Variants in RFTN1 observed in about 807,000 individuals in gnomAD.
The protein encoded by RFTN1 is raftlin.
RFTN1 carries 26 observed loss-of-function variants against 46.5 expected under a neutral mutation model. The ratio of observed to expected loss-of-function variants is 0.56; its 90% CI spans 0.41 to 0.78. The LOEUF (loss-of-function observed/expected upper bound fraction) is 0.78. Among genes scored for constraint, RFTN1 ranks in the 30% least tolerant of loss-of-function variants. RFTN1 has a pLI of 0.00. For synonymous variants in RFTN1, 261 were observed against 284.2 expected, an observed-to-expected ratio of 0.92 and a Z score of 0.82; for missense variants, 693 against 718.7, an observed-to-expected ratio of 0.96 and a Z score of 0.41.
intron 2 of RFTN1, among the ~76,000 whole-genome samples, chr3:16,461,529 A>G (rs1361406650): frequency 6.6e-6 from 1 of 152,202 alleles, no homozygotes; most frequent in Non-Finnish European, 1.5e-5. Flanking sequence ...CTATCACACT[A>G]TAACCCAAAG....
Position 16,396,561 on chromosome 3 carries a change from A to G in RFTN1, c.441+12814T>C, listed in dbSNP as rs549215737. On this transcript the variant is annotated intron_variant, in intron 4 of 9. Transcript: ENST00000334133. ...GCCGAGCACGTCTTTCTAGAGTGAA[A>G]AAAGAGAGGAGGGAGTTTTTAATTG... Among the ~76,000 whole-genome samples, 12 of 152,334 alleles carry G rather than the reference A, an allele frequency of 7.9e-5. No individual in the cohort carries two copies. In the South Asian group the frequency reaches 2.5e-3, roughly 32 times the overall value.
rs1390134933 is a variant in RFTN1 at position 16,479,765 on chromosome 3, T to G, written c.145+13960A>C. On this transcript the variant is annotated intron_variant, in intron 2 of 9. Transcript: ENST00000334133. The surrounding 1 kb of genome is among the most constrained non-coding windows in gnomAD (Gnocchi z 5.1). ...GAGGTACCTTTTCCAAGCTGCAGTT[T>G]GGTTGGTGGGTCCAAAGATTAGATT... 6.6e-6 allele frequency among the ~76,000 whole-genome samples: 1 copy of G among 152,182 alleles called. No homozygotes were observed. The highest frequency in any genetic ancestry group is 2.4e-5 in the African/African-American group (1 of 41,440).
Position 16,317,055 on chromosome 3 carries a change from C to G in RFTN1, c.1510G>C (p.Val504Leu). The change falls in exon 10 of 10, where the codon GTC becomes CTC. Residue 504 changes from valine to leucine, a missense_variant. Transcript: ENST00000334133. The surrounding 1 kb of genome is among the most constrained non-coding windows in gnomAD (Gnocchi z 4.3). ...CVSGQQQEGG[V>L]SEEMKGPVQE... is the part of the protein sequence containing the mutation. ...ACAGGGCCCTTCATCTCCTCGGAGA[C>G]TCCACCCTCCTGCTGCTGTCCTGAA... 1 of 1,613,906 alleles carries G rather than the reference C, an allele frequency of 6.2e-7. No individual in the cohort carries two copies. The highest frequency in any genetic ancestry group is 1.1e-5 in the South Asian group (1 of 91,070).
intron 9 of RFTN1, 33 bp downstream of exon 9, chr3:16,323,343 G>T: frequency 6.6e-7 from 1 of 1,506,772 alleles, no homozygotes. Context: ...GCCCTGCTGA[G>T]GAAAACCTAG....
chr3:16,448,799 G>A lies in RFTN1; in HGVS notation c.146-14762C>T, dbSNP rs893433843. 3.3e-5 allele frequency among the ~76,000 whole-genome samples: 5 copies of A among 152,098 alleles called. No individual in the cohort carries two copies. The highest frequency in any genetic ancestry group is 2.1e-4 in the South Asian group (1 of 4,820). ...CTGAGTCACAAGTCTCACCCCATGC[G>A]GGGATTACAGGCTGCGACTCACTGC... On this transcript the variant is annotated intron_variant, in intron 2 of 9. Transcript: ENST00000334133. This position sits in a 1 kb window ranked among gnomAD's most constrained non-coding sequence, Gnocchi z 4.1.
chr3:16,350,472 G>A (rs2072022227), intron 7 of RFTN1, among the ~76,000 whole-genome samples: 1 of 150,428 alleles, frequency 6.6e-6, no homozygotes, highest in Admixed American at 6.6e-5. Context: ...TTTTAAATGA[G>A]CTCAAGCTGA....
In RFTN1 at chr3:16,418,363, C is replaced by T. The variant is rs530469327; in HGVS notation, c.333-8880G>A. 1.3e-5 allele frequency among the ~76,000 whole-genome samples: 2 copies of T among 152,182 alleles called. No individual in the cohort carries two copies. The highest frequency in any genetic ancestry group is 2.9e-5 in the Non-Finnish European group (2 of 68,038). ...ACATGTAATAAATCCCATTTTGGCT[C>T]ATAAATCCCTTAGATCTCTTCAAAG... On this transcript the variant is annotated intron_variant, in intron 3 of 9. Transcript: ENST00000334133. This position sits in a 1 kb window ranked among gnomAD's most constrained non-coding sequence, Gnocchi z 5.0.
chr3:16,361,306 C>CT lies in RFTN1; in HGVS notation c.1031-3260dup, dbSNP rs2072814563. ...ATTCATTATGACACCTACTGGGAATCTATTATGTGCCAAGTAGTCCTGTAG... is the reference window on the plus strand; with the variant it reads ...ATTCATTATGACACCTACTGGGAATCTTATTATGTGCCAAGTAGTCCTGTAG... On this transcript the variant is annotated intron_variant, in intron 6 of 9. Transcript: ENST00000334133. This position sits in a 1 kb window ranked among gnomAD's most constrained non-coding sequence, Gnocchi z 4.3. 6.6e-6 allele frequency among the ~76,000 whole-genome samples: 1 copy of CT among 152,160 alleles called. No homozygotes were observed. The highest frequency in any genetic ancestry group is 1.5e-5 in the Non-Finnish European group (1 of 68,032).
intron 2 of RFTN1, among the ~76,000 whole-genome samples, chr3:16,435,856 A>G (rs2075499889): frequency 6.6e-6 from 1 of 151,284 alleles, no homozygotes; most frequent in Non-Finnish European, 1.5e-5. Flanking sequence ...CATGTACCCT[A>G]TAAATATATA....
At chr3:16,463,286 T>C (rs1453657670) in intron 2 of RFTN1, among the ~76,000 whole-genome samples, 1 of 152,176 alleles carries the variant, frequency 6.6e-6, no homozygotes, top group Non-Finnish European at 1.5e-5. Flanking sequence ...CCCTCTCTGC[T>C]CCTTCTGAGA....
chr3:16,324,615 C>CA (rs1367105308), intron 8 of RFTN1, among the ~76,000 whole-genome samples: 7 of 141,286 alleles, frequency 5.0e-5, no homozygotes, highest in African/African-American at 1.1e-4. Context: ...TGTCCCTGAC[C>CA]CCCCCCCTTT....
rs1361693103 is a variant in RFTN1 at position 16,342,112 on chromosome 3, AG to A, written c.1147-15237del. Among the ~76,000 whole-genome samples the A allele has an allele frequency of 1.3e-4, 20 of 152,206 alleles. No individual in the cohort carries two copies. The highest frequency in any genetic ancestry group is 2.5e-4 in the Non-Finnish European group (17 of 68,044). ...ATTCAGTGGTTTATAATATATTCAG[AG>A]TTATACAACCATCACCACAATCTAA... is the stretch of plus-strand genomic sequence containing the variant. On this transcript the variant is annotated intron_variant, in intron 7 of 9. Transcript: ENST00000334133. The surrounding 1 kb of genome is among the most constrained non-coding windows in gnomAD (Gnocchi z 4.0).
intron 4 of RFTN1, among the ~76,000 whole-genome samples, chr3:16,389,654 G>A (rs527251403): frequency 7.2e-5 from 11 of 152,242 alleles, no homozygotes; most frequent in African/African-American, 2.6e-4. Context: ...TTCTCTCCTA[G>A]TAGAAGAATG....
intron 4 of RFTN1, among the ~76,000 whole-genome samples, chr3:16,395,662 T>A (rs1355303699): frequency 6.6e-6 from 1 of 152,216 alleles, no homozygotes; most frequent in Admixed American, 6.5e-5. Flanking sequence ...TTGCCCAGAA[T>A]GGTCTCAAAC....
At position 16,424,213 on chromosome 3, in the gene RFTN1, G is replaced by T. The variant is rs578212146; in HGVS notation, c.332+9638C>A. The stretch of plus-strand genomic sequence containing the variant: ...GAGTTGAAAGATGATGTATTTCTGT[G>T]CCATGAGTCTCAAGATGGAACTTGA... On this transcript the variant is annotated intron_variant, in intron 3 of 9. Coordinates refer to ENST00000334133, the MANE Select transcript of RFTN1 (RefSeq NM_015150.2). This position sits in a 1 kb window ranked among gnomAD's most constrained non-coding sequence, Gnocchi z 4.7. Among the ~76,000 whole-genome samples, 1 of 152,140 alleles carries T rather than the reference G, an allele frequency of 6.6e-6. No individual in the cohort carries two copies. The highest frequency in any genetic ancestry group is 1.5e-5 in the Non-Finnish European group (1 of 68,030).
intron 2 of RFTN1, among the ~76,000 whole-genome samples, chr3:16,445,375 C>T (rs1260134454): frequency 6.6e-6 from 1 of 151,862 alleles, no homozygotes; most frequent in Non-Finnish European, 1.5e-5. Flanking sequence ...ATGAGTCCCC[C>T]TCCCTCATCC....
intron 4 of RFTN1, among the ~76,000 whole-genome samples, chr3:16,395,218 C>A (rs12488145): frequency 0.26 from 40,097 of 152,064 alleles, 5,986 homozygotes; most frequent in East Asian, 0.47. Context: ...AAAATAGGAG[C>A]TTGTCTTTTA....
intron 6 of RFTN1, among the ~76,000 whole-genome samples, chr3:16,365,593 C>T (rs913667977): frequency 7.9e-5 from 12 of 152,060 alleles, no homozygotes; most frequent in Admixed American, 3.9e-4. Flanking sequence ...GCTGGGGCAC[C>T]GGAGAAAGTC....
chr3:16,333,578 A>C (rs1385552498), intron 7 of RFTN1, among the ~76,000 whole-genome samples: 2 of 152,232 alleles, frequency 1.3e-5, no homozygotes, highest in Non-Finnish European at 2.9e-5. Flanking sequence ...TTATTATTTT[A>C]ATGTTTAAAG....
Sources: allele counts gnomAD v4.1 joint callset (sites outside exome capture counted in the v4.1 genomes callset), GRCh38; gene constraint gnomAD v4.1.1; non-coding constraint Gnocchi (gnomAD v3.1); transcripts MANE v1.5; gene names NCBI Gene and HGNC (gene_info 2026-07-23, HGNC 2026-07-21).